LBHD1: variants seen among roughly 807,000 people sequenced by gnomAD.
LBHD1 encodes the protein LBH domain containing 1.
LBHD1 carries 28 observed loss-of-function variants against 31.1 expected under a neutral mutation model. The ratio of observed to expected loss-of-function variants is 0.90; its 90% confidence interval spans 0.67 to 1.24. LBHD1 has a LOEUF of 1.24. Ranked by LOEUF, LBHD1 falls within the 50% of genes most tolerant of loss-of-function variation. The pLI, the probability that LBHD1 is intolerant of heterozygous loss-of-function variation, is 0.00. For synonymous variants in LBHD1, 105 were observed against 116.5 expected (o/e 0.90, Z 0.63); for missense variants, 350 against 323.0 (o/e 1.08, Z -0.64).
At chr11:62,663,488 C>T (rs1409315625) in intron 5 of LBHD1, among the ~76,000 whole-genome samples, 155 bp from the exon 6 acceptor site, 1 of 152,036 alleles carries the variant, frequency 6.6e-6, no homozygotes, top group African/African-American at 2.4e-5. Context: ...GGCTGGATCA[C>T]GAGGTCAGGA....
chr11:62,666,415 C>G, intron 4 of LBHD1: 1 of 1,610,784 alleles, frequency 6.2e-7, no homozygotes, highest in Non-Finnish European at 8.5e-7. Context: ...CTGATAGTTG[C>G]CTGGCGGACC....
chr11:62,665,264 G>A, intron 4 of LBHD1: 1 of 744,826 alleles, frequency 1.3e-6, no homozygotes. Context: ...ATCGCAACTC[G>A]GGGGCGGGTC....
rs202209402 is a variant in LBHD1, at chr11:62,666,399, C to A, written c.538+1124G>T. 3 of 1,608,842 alleles carry A rather than the reference C, an allele frequency of 1.9e-6. No individual in the cohort carries two copies. In the Admixed American group the frequency reaches 5.0e-5, roughly 27 times the overall value. Reference sequence around the variant, plus strand: ...CACCCTCCAACCGTGCCCACAGGCTCACTGGCTGATAGTTGCCTGGCGGAC... The same window carrying A: ...CACCCTCCAACCGTGCCCACAGGCTAACTGGCTGATAGTTGCCTGGCGGAC... On this transcript the variant is annotated intron_variant, in intron 4 of 6. Transcript: ENST00000354588.
At chr11:62,666,256 G>A in intron 4 of LBHD1, 1 of 874,914 alleles carries the variant, frequency 1.1e-6, no homozygotes, top group Non-Finnish European at 1.8e-6. Flanking sequence ...GCTTCAGTGA[G>A]CCATCATTGT....
At chr11:62,663,381 T>G (rs184005430) in intron 5 of LBHD1, 48 bp from the exon 6 acceptor site, 2 of 1,569,198 alleles carry the variant, frequency 1.3e-6, no homozygotes, top group Non-Finnish European at 1.7e-6. Context: ...CTGAACCAAC[T>G]GAGGTCACAC....
chr11:62,667,679 G>C lies in LBHD1; in HGVS notation c.382C>G (p.Gln128Glu). ...CAAGCATCTTCTTCATCCTGGTCCT[G>C]CCCCCAGCTGAGTCCAGCGTTAAAT... ...RTFNAGLSWG[Q>E]DQDEEDACWI... Residue 128 changes from glutamine to glutamate, a missense_variant, in exon 4 of 7, where the codon CAG (glutamine) becomes GAG (glutamate). Coordinates refer to ENST00000354588, the MANE Select transcript of LBHD1 (RefSeq NM_024099.5). The C allele has an allele frequency of 6.2e-7, 1 of 1,614,122 alleles. No individual in the cohort carries two copies. The highest frequency in any genetic ancestry group is 8.5e-7 in the Non-Finnish European group (1 of 1,180,006).
At position 62,669,738 on chromosome 11, in the gene LBHD1, A is replaced by C. The variant is rs138957379; in HGVS notation, c.216T>G (p.Ser72Arg). 1.7e-4 allele frequency: 270 copies of C among 1,613,846 alleles called. No homozygotes were observed. Among genetic ancestry groups the C allele is most frequent in the Non-Finnish European group, 2.2e-4 (262 of 1,180,008 alleles). The change falls in exon 3 of 7, where the codon AGT becomes AGG. Residue 72 changes from serine (S) to arginine (R), a missense_variant. Ser to Arg is a moderately radical substitution (Grantham distance 110). Coordinates refer to ENST00000354588, the MANE Select transcript of LBHD1 (RefSeq NM_024099.5). ...VVESSEVNEE[S>R]GDLHLPHEEL... ...CCTCATGGGGCAAATGGAGATCCCCACTCTCTTCATTCACCTCACTGGATT... is the reference window on the plus strand; with the variant it reads ...CCTCATGGGGCAAATGGAGATCCCCCCTCTCTTCATTCACCTCACTGGATT...
rs759499585 is a variant in LBHD1, at chr11:62,669,636, C to G, written c.313+5G>C. 2 of 1,610,588 alleles carry G rather than the reference C, an allele frequency of 1.2e-6. No individual in the cohort carries two copies. The highest frequency in any genetic ancestry group is 2.2e-5 in the South Asian group (2 of 90,666). ...GTGGCCCCCTGAATGAGCCACCTCC[C>G]TCACCTGGCTCTTCACTTTGGTCTT... On this transcript the variant is annotated splice_donor_5th_base_variant and intron_variant, in intron 3 of 6. Transcript: ENST00000354588.
rs550346334 is a variant in LBHD1, at chr11:62,669,906, C to T, written c.126G>A (p.Lys42=). 2.8e-5 allele frequency: 46 copies of T among 1,614,230 alleles called. No individual in the cohort carries two copies. The South Asian group carries it at 4.4e-4, about 15-fold the overall frequency. ...CCTGAATGTGCTGGTGACCTTCAAC[C>T]TTGCCAATTTTTCCTCTGTCCCAGA... ...NPLWDRGKIG[K]VEGHQHIQDF... is the part of the protein sequence containing the mutation. Residue 42 remains lysine (K), a synonymous_variant, in exon 2 of 7, where the codon AAG becomes AAA. Transcript: ENST00000354588.
intron 4 of LBHD1, chr11:62,666,519 T>G: frequency 6.2e-7 from 1 of 1,614,144 alleles, no homozygotes; most frequent in Non-Finnish European, 8.5e-7. Flanking sequence ...CAGGGGCTCC[T>G]ACTGCCATTG....
At chr11:62,665,695 A>C (rs1199311409) in intron 4 of LBHD1, 12 of 1,459,786 alleles carry the variant, frequency 8.2e-6, no homozygotes, top group Non-Finnish European at 1.1e-5. Flanking sequence ...CAGCCAATAA[A>C]GGCCGTTCCT....
chr11:62,671,145 ACCAAAAAAAAAC>A, intron 1 of LBHD1: 1 of 367,670 alleles, frequency 2.7e-6, no homozygotes, highest in South Asian at 2.1e-5. Context: ...CAACAACAAA[ACCAAAAAAAAAC>A]CCAAACAATA....
At chr11:62,666,520 A>G (rs778114547) in intron 4 of LBHD1, 8 of 1,613,990 alleles carry the variant, frequency 5.0e-6, no homozygotes, top group Non-Finnish European at 6.8e-6. Flanking sequence ...AGGGGCTCCT[A>G]CTGCCATTGC....
At chr11:62,666,846 G>A in intron 4 of LBHD1, 4 of 1,614,170 alleles carry the variant, frequency 2.5e-6, no homozygotes, top group Non-Finnish European at 3.4e-6. Flanking sequence ...GCCCGGGGAG[G>A]TCTGCCTAGG....
intron 5 of LBHD1, among the ~76,000 whole-genome samples, chr11:62,663,815 G>A (rs1029683419): frequency 4.6e-5 from 7 of 151,824 alleles, no homozygotes; most frequent in African/African-American, 1.7e-4. Flanking sequence ...GCTTATGCCT[G>A]TAATCCCAAC....
intron 3 of LBHD1, chr11:62,668,196 G>A (rs11604528): frequency 0.025 from 4,089 of 163,220 alleles, 94 homozygotes; most frequent in South Asian, 0.034. Context: ...GTTTAGCATA[G>A]TACCTGGTAC....
intron 3 of LBHD1, 160 bp downstream of exon 3, chr11:62,669,481 A>G: frequency 1.0e-6 from 1 of 984,794 alleles, no homozygotes; most frequent in Non-Finnish European, 1.2e-6. Context: ...ACAATTCATC[A>G]ACTTTGCCAG....
rs151251828 is a variant in LBHD1, at chr11:62,667,530, G to A, written c.531C>T (p.Ser177=). ...VEYSHLLPPN[S]FEGAEEEAVQ... ...GGAGGGAACAATACTTACCCTCAAA[G>A]CTATTAGGAGGCAGGAGATGGGAAT... Residue 177 remains serine, a synonymous_variant, in exon 4 of 7, where the codon AGC becomes AGT. Coordinates refer to ENST00000354588, the MANE Select transcript of LBHD1 (RefSeq NM_024099.5). 1.2e-6 allele frequency: 2 copies of A among 1,613,492 alleles called. No homozygotes were observed. Among genetic ancestry groups the A allele is most frequent in the African/African-American group, 2.7e-5 (2 of 74,884 alleles).
chr11:62,665,536 A>G, intron 4 of LBHD1: 2 of 1,567,184 alleles, frequency 1.3e-6, no homozygotes, highest in African/African-American at 1.3e-5. Context: ...GCGGCTTCCC[A>G]TCCGCTGGTT....
Sources: gnomAD v4.1 joint callset for allele counts (sites outside exome capture counted in the v4.1 genomes callset) on GRCh38, gnomAD v4.1.1 for gene constraint, MANE v1.5 for transcripts, NCBI Gene and HGNC (gene_info 2026-07-23, HGNC 2026-07-21) for gene names.